Variants in PAN3 observed in about 807,000 individuals in gnomAD.
The protein encoded by PAN3 is poly(A) specific ribonuclease subunit PAN3.
A neutral mutation model predicts 96.2 loss-of-function variants in PAN3; 19 were observed. That is an observed-to-expected ratio of 0.20 (90% CI 0.14 to 0.29). The LOEUF (loss-of-function observed/expected upper bound fraction) is 0.29, where lower values mean the gene tolerates loss of function less well. Ranked by LOEUF, PAN3 falls within the 10% of genes least tolerant of loss-of-function variation. The pLI is 1.00. For synonymous variants in PAN3, 433 were observed against 406.6 expected, an observed-to-expected ratio of 1.06 and a Z score of -0.78; for missense variants, 882 against 1,108.1, an observed-to-expected ratio of 0.80 and a Z score of 2.90.
intron 17 of PAN3, among the ~76,000 whole-genome samples, chr13:28,282,467 A>G (rs1169335163): frequency 2.0e-5 from 3 of 152,110 alleles, no homozygotes; most frequent in African/African-American, 7.2e-5. Context: ...AACCATTTTT[A>G]ATAAACTTTT....
chr13:28,213,525 CAG>C (rs1012104890), intron 5 of PAN3, among the ~76,000 whole-genome samples: 1 of 152,016 alleles, frequency 6.6e-6, no homozygotes, highest in African/African-American at 2.4e-5. Context: ...TTTATGCACT[CAG>C]AAACTGGTAA....
intron 15 of PAN3, among the ~76,000 whole-genome samples, chr13:28,279,895 G>A (rs1390471694): frequency 1.3e-5 from 2 of 151,714 alleles, no homozygotes; most frequent in Admixed American, 6.6e-5. Context: ...TGTCTCCTGG[G>A]TTCAAGCTAT....
chr13:28,228,834 G>T (rs1231128446), intron 6 of PAN3, among the ~76,000 whole-genome samples: 1 of 152,190 alleles, frequency 6.6e-6, no homozygotes, highest in Non-Finnish European at 1.5e-5. Flanking sequence ...TGCTCACTGT[G>T]TGCGAGGTGG....
At chr13:28,159,224 A>G (rs116291317) in intron 1 of PAN3, among the ~76,000 whole-genome samples, 2,931 of 152,288 alleles carry the variant, frequency 0.019, 108 homozygotes, top group African/African-American at 0.067. Context: ...ATGGTAGACC[A>G]GATAAAGAAA....
chr13:28,271,048 G>T (rs906275434), intron 13 of PAN3, among the ~76,000 whole-genome samples, 182 bp downstream of exon 13: 1 of 151,996 alleles, frequency 6.6e-6, no homozygotes, highest in Non-Finnish European at 1.5e-5. Context: ...TGAATAAAAT[G>T]CCTGGTTATT....
At chr13:28,169,206 ATT>A (rs201186587) in intron 1 of PAN3, among the ~76,000 whole-genome samples, 1,226 of 88,910 alleles carry the variant, frequency 0.014, 13 homozygotes, top group African/African-American at 0.049. Context: ...GCATTTTCTC[ATT>A]TTTTTTTTGT....
At chr13:28,290,687 A>G (rs757586459) in intron 18 of PAN3, among the ~76,000 whole-genome samples, 2 of 152,196 alleles carry the variant, frequency 1.3e-5, no homozygotes, top group East Asian at 1.9e-4. Flanking sequence ...TGTATCAAAA[A>G]AAGAAAAAAG....
At chr13:28,282,134 A>G (rs1593632092) in intron 17 of PAN3, among the ~76,000 whole-genome samples, 1 of 152,144 alleles carries the variant, frequency 6.6e-6, no homozygotes, top group Non-Finnish European at 1.5e-5. Context: ...TACCTTTTAC[A>G]CTATTTGTCA....
chr13:28,267,420 C>T lies in PAN3; in HGVS notation c.1792+19C>T. The T allele has an allele frequency of 6.4e-7, 1 of 1,572,962 alleles. No individual in the cohort carries two copies. The highest frequency in any genetic ancestry group is 8.7e-7 in the Non-Finnish European group (1 of 1,143,066). The stretch of plus-strand genomic sequence containing the variant: ...AAGTGGGGTAAGAAAAAGATGCAGG[C>T]AAACTATATTTTGACTAATGCTTTT... On this transcript the variant is annotated intron_variant, in intron 12 of 18. Transcript: ENST00000380958.
At chr13:28,287,896 G>A in intron 17 of PAN3, 88 bp from the exon 18 acceptor site, 2 of 1,336,770 alleles carry the variant, frequency 1.5e-6, no homozygotes, top group Admixed American at 2.7e-5. Flanking sequence ...TTGGGAAAAA[G>A]TAAAACTAGT....
intron 9 of PAN3, among the ~76,000 whole-genome samples, chr13:28,266,073 T>C (rs1886138680): frequency 6.6e-6 from 1 of 152,142 alleles, no homozygotes; most frequent in Admixed American, 6.5e-5. Context: ...TAATGCCATG[T>C]TTTAAAAATA....
intron 5 of PAN3, among the ~76,000 whole-genome samples, chr13:28,199,830 A>G (rs1356076648): frequency 1.3e-5 from 2 of 152,072 alleles, no homozygotes; most frequent in Non-Finnish European, 2.9e-5. Flanking sequence ...GAGCATATTC[A>G]TCTTTCCTGT....
intron 5 of PAN3, among the ~76,000 whole-genome samples, chr13:28,204,119 T>G (rs935435222): frequency 1.3e-5 from 2 of 152,114 alleles, no homozygotes; most frequent in Non-Finnish European, 2.9e-5. Flanking sequence ...AGCTTCTCTG[T>G]TTTATATTTT....
At chr13:28,226,900 A>G (rs1456258751) in intron 6 of PAN3, among the ~76,000 whole-genome samples, 4 of 152,200 alleles carry the variant, frequency 2.6e-5, no homozygotes, top group Non-Finnish European at 5.9e-5. Context: ...AAATCTTTCC[A>G]AGTTATTTAG....
intron 1 of PAN3, among the ~76,000 whole-genome samples, chr13:28,143,646 A>G (rs1870175510): frequency 1.3e-5 from 2 of 152,194 alleles, no homozygotes; most frequent in South Asian, 2.1e-4. Flanking sequence ...TGAAAATTGC[A>G]TGGCATTGCC....
intron 6 of PAN3, among the ~76,000 whole-genome samples, chr13:28,254,074 C>T (rs1000016158): frequency 5.3e-5 from 8 of 152,126 alleles, no homozygotes; most frequent in Non-Finnish European, 1.0e-4. Context: ...ATAGCCCCAT[C>T]CCCACGTAGC....
In PAN3 at chr13:28,144,067, C is replaced by T. The variant is rs537085497; in HGVS notation, c.430+4980C>T. Among the ~76,000 whole-genome samples the T allele has an allele frequency of 2.6e-5, 4 of 152,150 alleles. No homozygotes were observed. The South Asian group carries it at 8.3e-4, about 32-fold the overall frequency. On this transcript the variant is annotated intron_variant, in intron 1 of 18. Coordinates refer to ENST00000380958, the MANE Select transcript of PAN3 (RefSeq NM_175854.8). ...ACTGTTCATTTCACTCATTTAATAT[C>T]CTGCTTCCAAGGTGGTAAGCTCTGA...
At chr13:28,207,811 T>C (rs1011815064) in intron 5 of PAN3, among the ~76,000 whole-genome samples, 1 of 152,234 alleles carries the variant, frequency 6.6e-6, no homozygotes, top group Non-Finnish European at 1.5e-5. Flanking sequence ...TACATGGATG[T>C]TCTGAGTTCT....
rs933168729 is a variant in PAN3 at position 28,270,601 on chromosome 13, A to G, written c.1793-100A>G. On this transcript the variant is annotated intron_variant, in intron 12 of 18. Transcript: ENST00000380958. ...CATATATAAATTGACATGTTGTGCC[A>G]TGAGTGTACATGAATTGTCTTTGCT... 45 of 1,195,272 alleles carry G rather than the reference A, an allele frequency of 3.8e-5. No homozygotes were observed. In the Admixed American group the frequency reaches 1.0e-3, roughly 27 times the overall value. 74.0% of individuals were successfully genotyped at this position (1,195,272 alleles called of 1,614,324 possible).
Sources: gnomAD v4.1 joint callset for allele counts (sites outside exome capture counted in the v4.1 genomes callset) on GRCh38, gnomAD v4.1.1 for gene constraint, MANE v1.5 for transcripts, NCBI Gene and HGNC (gene_info 2026-07-23, HGNC 2026-07-21) for gene names.